SPOPL: variants seen among roughly 807,000 people sequenced by gnomAD.
SPOPL encodes the protein speckle type BTB/POZ protein like, also known as speckle-type POZ protein-like.
SPOPL carries 23 observed loss-of-function variants against 53.8 expected under a neutral mutation model. That is an observed-to-expected ratio of 0.43 (90% CI 0.31 to 0.61). The LOEUF (loss-of-function observed/expected upper bound fraction) is 0.61, where lower values mean the gene tolerates loss of function less well. SPOPL is among the 20% of genes least tolerant of loss of function. SPOPL has a pLI of 0.12. For synonymous variants in SPOPL, 164 were observed against 149.7 expected (o/e 1.10, Z -0.70); for missense variants, 442 against 466.9 (o/e 0.95, Z 0.49).
chr2:138,538,031 C>A (rs557254963), intron 1 of SPOPL, among the ~76,000 whole-genome samples: 1 of 151,964 alleles, frequency 6.6e-6, no homozygotes, highest in Non-Finnish European at 1.5e-5. Flanking sequence ...AAAATTTTTT[C>A]TTCTGTTACT....
chr2:138,553,724 G>C (rs1051406527), intron 5 of SPOPL, among the ~76,000 whole-genome samples: 3 of 152,024 alleles, frequency 2.0e-5, no homozygotes, highest in African/African-American at 7.2e-5. Context: ...CAAGTTAAAT[G>C]AACTGTATGA....
chr2:138,570,285 C>T lies in SPOPL; in HGVS notation c.*1205C>T, dbSNP rs1685753453. ...TCAGGTCACACTAGGAACCTCCCCT[C>T]ACTCCCCGTTTTTCTTCATTGTGTT... On this transcript the variant is annotated 3_prime_UTR_variant, in exon 11 of 11. Transcript: ENST00000280098. 1 of 152,200 alleles carries T rather than the reference C, an allele frequency of 6.6e-6. No homozygotes were observed. The highest frequency in any genetic ancestry group is 2.1e-4 in the South Asian group (1 of 4,834). 9.4% of individuals were successfully genotyped at this position (152,200 alleles called of 1,614,324 possible).
At chr2:138,508,332 A>C (rs181847041) in intron 1 of SPOPL, among the ~76,000 whole-genome samples, 13 of 152,188 alleles carry the variant, frequency 8.5e-5, no homozygotes, top group South Asian at 8.3e-4. Flanking sequence ...TTCTTTCTTT[A>C]TTTATTTTCT....
chr2:138,528,529 G>T (rs868618524), intron 1 of SPOPL, among the ~76,000 whole-genome samples: 50 of 152,054 alleles, frequency 3.3e-4, no homozygotes, highest in African/African-American at 1.1e-3. Flanking sequence ...ATTGAGTATC[G>T]TGTTGGGAAA....
chr2:138,511,479 G>A (rs1408612718), intron 1 of SPOPL, among the ~76,000 whole-genome samples: 2 of 152,146 alleles, frequency 1.3e-5, no homozygotes, highest in African/African-American at 4.8e-5. Flanking sequence ...AAGCACTTGT[G>A]TCAGACAGAC....
In SPOPL at chr2:138,573,329, AT is replaced by A. The variant is rs1488006872; in HGVS notation, c.*4250del. The A allele has an allele frequency of 1.3e-5, 2 of 152,176 alleles. No homozygotes were observed. Among genetic ancestry groups the A allele is most frequent in the African/African-American group, 2.4e-5 (1 of 41,448 alleles). 9.4% of individuals were successfully genotyped at this position (152,176 alleles called of 1,614,324 possible). The stretch of plus-strand genomic sequence containing the variant: ...AAGAGCCATGTATTTGATACGGTAA[AT>A]CATGCATAGTAATTGTCTTTTCTAC... On this transcript the variant is annotated 3_prime_UTR_variant, in exon 11 of 11. Coordinates refer to ENST00000280098, the MANE Select transcript of SPOPL (RefSeq NM_001001664.3).
chr2:138,570,304 T>C lies in SPOPL; in HGVS notation c.*1224T>C, dbSNP rs1461388704. ...TCCCCTCACTCCCCGTTTTTCTTCA[T>C]TGTGTTTCAGTTACTGTACTAACAT... On this transcript the variant is annotated 3_prime_UTR_variant, in exon 11 of 11. Transcript: ENST00000280098. 1.3e-5 allele frequency: 2 copies of C among 152,322 alleles called. No individual in the cohort carries two copies. Among genetic ancestry groups the C allele is most frequent in the African/African-American group, 2.4e-5 (1 of 41,572 alleles). 9.4% of individuals were successfully genotyped at this position (152,322 alleles called of 1,614,324 possible).
intron 1 of SPOPL, among the ~76,000 whole-genome samples, chr2:138,541,282 CT>C (rs1236817429): frequency 6.6e-6 from 1 of 152,170 alleles, no homozygotes; most frequent in Non-Finnish European, 1.5e-5. Context: ...AGGATTCCCT[CT>C]TTTTCTATTG....
chr2:138,562,336 A>G (rs568450176), intron 8 of SPOPL, among the ~76,000 whole-genome samples: 5 of 152,338 alleles, frequency 3.3e-5, no homozygotes, highest in African/African-American at 1.2e-4. Context: ...ATAATGGAAC[A>G]GAATAAAGAA....
chr2:138,545,510 T>C (rs1172245048), intron 1 of SPOPL, among the ~76,000 whole-genome samples: 2 of 151,904 alleles, frequency 1.3e-5, no homozygotes, highest in African/African-American at 4.8e-5. Context: ...CTCAGCTCAC[T>C]GCAAACTCTG....
intron 1 of SPOPL, among the ~76,000 whole-genome samples, chr2:138,518,750 G>A (rs1328818471): frequency 6.6e-6 from 1 of 152,216 alleles, no homozygotes; most frequent in Non-Finnish European, 1.5e-5. Context: ...GATAAGCAGT[G>A]TGAGAAGAGC....
intron 1 of SPOPL, among the ~76,000 whole-genome samples, chr2:138,549,296 C>T (rs1297088082): frequency 2.0e-5 from 3 of 152,010 alleles, no homozygotes; most frequent in African/African-American, 7.3e-5. Context: ...CTTTATCTCT[C>T]ATAACAATTT....
chr2:138,541,120 T>C (rs1252375575), intron 1 of SPOPL, among the ~76,000 whole-genome samples: 1 of 152,232 alleles, frequency 6.6e-6, no homozygotes, highest in Non-Finnish European at 1.5e-5. Flanking sequence ...ATACGCTTCT[T>C]GATGTGCTGC....
In SPOPL at chr2:138,559,218, G is replaced by A; in HGVS notation, c.658+19G>A. The A allele has an allele frequency of 2.5e-6, 4 of 1,611,960 alleles. No individual in the cohort carries two copies. Among genetic ancestry groups the A allele is most frequent in the Middle Eastern group, 3.3e-4 (2 of 6,050 alleles). On this transcript the variant is annotated intron_variant, in intron 6 of 10. Transcript: ENST00000280098. ...CTTGCAGGTACTTTCTAGTTATGGG[G>A]TAATATAGTACATTTAAAAAAATGC...
chr2:138,539,336 CA>C (rs1366358559), intron 1 of SPOPL, among the ~76,000 whole-genome samples: 3 of 152,190 alleles, frequency 2.0e-5, no homozygotes, highest in Non-Finnish European at 4.4e-5. Flanking sequence ...CTGACTTCCA[CA>C]ATGGTTGAAC....
intron 1 of SPOPL, among the ~76,000 whole-genome samples, chr2:138,539,568 A>G (rs1685018935): frequency 6.6e-6 from 1 of 151,012 alleles, no homozygotes; most frequent in Admixed American, 6.6e-5. Context: ...CTGTTGGTTC[A>G]TATCCTTCAG....
rs191961883 is a variant in SPOPL, at chr2:138,525,924, C to T, written c.-61+23805C>T. ...AGGGTATCATCCATTCTCACCTTCA[C>T]TCCCAGTTTTATTGTGCTTGCTTTT... is the stretch of plus-strand genomic sequence containing the variant. On this transcript the variant is annotated intron_variant, in intron 1 of 10. Coordinates refer to ENST00000280098, the MANE Select transcript of SPOPL (RefSeq NM_001001664.3). Among the ~76,000 whole-genome samples, 257 of 151,736 alleles carry T rather than the reference C, an allele frequency of 1.7e-3. 1 individual carries two copies. The highest frequency in any genetic ancestry group is 3.8e-3 in the Admixed American group (58 of 15,226).
At chr2:138,567,687 C>G (rs1448895688) in intron 10 of SPOPL, among the ~76,000 whole-genome samples, 1 of 151,798 alleles carries the variant, frequency 6.6e-6, no homozygotes, top group East Asian at 1.9e-4. Flanking sequence ...TACAGGTAGA[C>G]CAGTTGGAAA....
chr2:138,541,337 C>T (rs1452093367), intron 1 of SPOPL, among the ~76,000 whole-genome samples: 1 of 152,146 alleles, frequency 6.6e-6, no homozygotes, highest in East Asian at 1.9e-4. Context: ...CCTCCTTGTA[C>T]CTCTGGTAGA....
Sources: allele counts gnomAD v4.1 joint callset (sites outside exome capture counted in the v4.1 genomes callset), GRCh38; gene constraint gnomAD v4.1.1; transcripts MANE v1.5; gene names NCBI Gene and HGNC (gene_info 2026-07-23, HGNC 2026-07-21).